Variants in FRMPD4 observed in about 807,000 individuals in gnomAD.
FRMPD4 encodes the protein FERM and PDZ domain containing 4.
Under a neutral mutation model 94.1 loss-of-function variants are expected in FRMPD4, and 22 were observed. That is an observed-to-expected ratio of 0.23 (90% CI 0.17 to 0.33). The LOEUF is 0.33. Among genes scored for constraint, FRMPD4 ranks in the 10% least tolerant of loss-of-function variants. The probability of loss-of-function intolerance (pLI) is 1.00; values close to 1 mark genes in which losing one functional copy is unlikely to be tolerated. For synonymous variants in FRMPD4, 631 were observed against 548.6 expected (o/e 1.15, Z -2.10); for missense variants, 1,111 against 1,339.9 (o/e 0.83, Z 2.67).
At chrX:12,117,638 C>A (rs2055420498) in intron 3 of FRMPD4, among the ~76,000 whole-genome samples, 1 of 111,878 alleles carries the variant, frequency 8.9e-6, no homozygotes, top group African/African-American at 3.3e-5. Context: ...TTACAACTCA[C>A]AAGACTGGCA....
intron 3 of FRMPD4, among the ~76,000 whole-genome samples, chrX:12,098,866 T>A (rs1368698220): frequency 9.1e-6 from 1 of 110,313 alleles, no homozygotes; most frequent in African/African-American, 3.3e-5. Context: ...TTGAAATGTT[T>A]GTTTCCCCTT....
Position 12,679,017 on chromosome X carries a change from T to A in FRMPD4, c.468+4109T>A, listed in dbSNP as rs149035442. Among the ~76,000 whole-genome samples the A allele has an allele frequency of 4.0e-3, 450 of 112,073 alleles. 1 individual carries two copies. Among genetic ancestry groups the A allele is most frequent in the African/African-American group, 0.013 (405 of 30,827 alleles). On this transcript the variant is annotated intron_variant, in intron 5 of 16. Coordinates refer to ENST00000675598, the MANE Select transcript of FRMPD4 (RefSeq NM_001368397.1). ...ACTTCCTAACTACATTTTACTGTGT[T>A]CCACACAGCTGAGAGAGGCTACACA...
At chrX:12,505,335 G>A (rs766996385) in intron 2 of FRMPD4, among the ~76,000 whole-genome samples, 2 of 111,837 alleles carry the variant, frequency 1.8e-5, no homozygotes, top group Non-Finnish European at 3.8e-5. Context: ...ACGTGGGGGT[G>A]TGGGTGTTGC....
chrX:12,543,038 G>A (rs2058434251), intron 2 of FRMPD4, among the ~76,000 whole-genome samples: 1 of 111,927 alleles, frequency 8.9e-6, no homozygotes, highest in Admixed American at 9.5e-5. Context: ...CTAGCCATAT[G>A]GAGAAAGCTG....
chrX:11,986,604 A>G (rs969583899), intron 3 of FRMPD4, among the ~76,000 whole-genome samples: 1 of 111,847 alleles, frequency 8.9e-6, no homozygotes, highest in Non-Finnish European at 1.9e-5. Flanking sequence ...TGAAATGAAG[A>G]AAACGATATA....
intron 3 of FRMPD4, among the ~76,000 whole-genome samples, chrX:12,612,134 G>A (rs2059190500): frequency 9.0e-6 from 1 of 111,286 alleles, no homozygotes; most frequent in South Asian, 3.7e-4. Flanking sequence ...AATAATATTT[G>A]GCATGCTGTT....
At chrX:12,027,230 C>A (rs1350748108) in intron 3 of FRMPD4, among the ~76,000 whole-genome samples, 1 of 112,242 alleles carries the variant, frequency 8.9e-6, no homozygotes, top group African/African-American at 3.2e-5. Context: ...TCTGAAAATT[C>A]TTATCAAAAG....
At position 12,717,766 on chromosome X, in the gene FRMPD4, G is replaced by A. The variant is rs753070478; in HGVS notation, c.2940G>A (p.Pro980=). The change falls in exon 16 of 17, where the codon CCG becomes CCA. Residue 980 remains proline (P), a synonymous_variant. Coordinates refer to ENST00000675598, the MANE Select transcript of FRMPD4 (RefSeq NM_001368397.1). ...CTGCTAGGCCAGCAACCGACCTCCC[G>A]CCCAAAGTTGTGCCTTCCAAGCAGT... ...ALAARPATDL[P]PKVVPSKQLL... 9 of 1,210,416 alleles carry A rather than the reference G, an allele frequency of 7.4e-6. No individual in the cohort carries two copies. The South Asian group carries it at 1.1e-4, about 14-fold the overall frequency.
intron 3 of FRMPD4, among the ~76,000 whole-genome samples, chrX:11,981,086 A>G (rs1345185377): frequency 8.9e-6 from 1 of 111,955 alleles, no homozygotes; most frequent in Non-Finnish European, 1.9e-5. Flanking sequence ...AGCCTAAAAC[A>G]TCTAATATCT....
At chrX:12,525,118 G>A (rs755815271) in intron 2 of FRMPD4, among the ~76,000 whole-genome samples, 1 of 110,572 alleles carries the variant, frequency 9.0e-6, no homozygotes, top group Non-Finnish European at 1.9e-5. Flanking sequence ...TACTCCTCCT[G>A]GGGGTATTTG....
At chrX:12,023,285 G>A (rs184841498) in intron 3 of FRMPD4, among the ~76,000 whole-genome samples, 185 of 111,183 alleles carry the variant, frequency 1.7e-3, no homozygotes, top group African/African-American at 5.8e-3. Flanking sequence ...ATTGTTTATA[G>A]GACACCCAGT....
chrX:12,042,184 T>C (rs949229519), intron 3 of FRMPD4, among the ~76,000 whole-genome samples: 19 of 110,364 alleles, frequency 1.7e-4, no homozygotes, highest in Non-Finnish European at 2.8e-4. Context: ...CTCCAACATC[T>C]ACACTCATTT....
intron 6 of FRMPD4, among the ~76,000 whole-genome samples, chrX:12,684,552 G>A (rs1008531395): frequency 1.8e-5 from 2 of 111,475 alleles, no homozygotes; most frequent in Non-Finnish European, 3.8e-5. Context: ...GCTAGAGGCT[G>A]TGGCTGTGCT....
intron 2 of FRMPD4, among the ~76,000 whole-genome samples, chrX:12,522,341 T>C (rs1453881848): frequency 9.0e-6 from 1 of 111,343 alleles, no homozygotes; most frequent in East Asian, 2.8e-4. Flanking sequence ...ACATATCTGA[T>C]TGGGTAGCAG....
chrX:12,338,823 C>T (rs1569237349), intron 1 of FRMPD4, among the ~76,000 whole-genome samples: 1 of 112,400 alleles, frequency 8.9e-6, no homozygotes, highest in Admixed American at 9.4e-5. Context: ...GGGCAAATGT[C>T]CACATGGGTA....
At chrX:12,081,980 A>T (rs1318794334) in intron 3 of FRMPD4, among the ~76,000 whole-genome samples, 1 of 112,320 alleles carries the variant, frequency 8.9e-6, no homozygotes, top group African/African-American at 3.2e-5. Flanking sequence ...TGTCAAACAC[A>T]AGTCATTTTC....
At chrX:11,889,464 T>C (rs2053862673) in intron 3 of FRMPD4, among the ~76,000 whole-genome samples, 1 of 112,262 alleles carries the variant, frequency 8.9e-6, no homozygotes, top group South Asian at 3.7e-4. Context: ...TATATAAATG[T>C]AAAAGTCACT....
At chrX:12,019,838 C>T (rs990995845) in intron 3 of FRMPD4, among the ~76,000 whole-genome samples, 7 of 111,635 alleles carry the variant, frequency 6.3e-5, no homozygotes, top group African/African-American at 2.3e-4. Context: ...CCTCCCCTTG[C>T]CCCATAATAA....
In FRMPD4 at chrX:12,664,269, C is replaced by A. The variant is rs1462941216; in HGVS notation, c.423-10594C>A. 5.3e-5 allele frequency among the ~76,000 whole-genome samples: 6 copies of A among 112,232 alleles called. No homozygotes were observed. The South Asian group carries it at 1.1e-3, about 21-fold the overall frequency. ...AATAGCAGTGGTGAGAAAGGACATC[C>A]TTGTCTTGTGCCGGTTTTTAAAGGG... On this transcript the variant is annotated intron_variant, in intron 4 of 16. Coordinates refer to ENST00000675598, the MANE Select transcript of FRMPD4 (RefSeq NM_001368397.1).
Sources: allele counts gnomAD v4.1 joint callset (sites outside exome capture counted in the v4.1 genomes callset), GRCh38; gene constraint gnomAD v4.1.1; transcripts MANE v1.5; gene names NCBI Gene and HGNC (gene_info 2026-07-23, HGNC 2026-07-21).